IL1RAPL1: variants seen among roughly 807,000 people sequenced by gnomAD.
The protein encoded by IL1RAPL1 is interleukin 1 receptor accessory protein like 1.
In IL1RAPL1, 3 loss-of-function variants were observed where a neutral mutation model predicts 48.4. That is an observed-to-expected ratio of 0.06 (90% CI 0.03 to 0.16). The LOEUF is 0.16. Among genes scored for constraint, IL1RAPL1 ranks in the 10% least tolerant of loss-of-function variants. The pLI, the probability that IL1RAPL1 is intolerant of heterozygous loss-of-function variation, is 1.00. For missense variants in IL1RAPL1, 349 were observed against 530.6 expected (o/e 0.66, Z 3.36); for synonymous variants, 185 against 187.7 (o/e 0.99, Z 0.12).
chrX:29,480,291 CATATATATATAT>C (rs61703733), intron 5 of IL1RAPL1, among the ~76,000 whole-genome samples: 12 of 76,572 alleles, frequency 1.6e-4, no homozygotes, highest in South Asian at 1.5e-3. Context: ...CACACATATA[CATATATATATAT>C]ATATATATAT....
intron 5 of IL1RAPL1, among the ~76,000 whole-genome samples, chrX:29,590,222 C>T (rs1038207947): frequency 3.6e-5 from 4 of 111,222 alleles, no homozygotes; most frequent in African/African-American, 9.8e-5. Flanking sequence ...CACCTCCCAC[C>T]AGGCCCACTT....
intron 2 of IL1RAPL1, among the ~76,000 whole-genome samples, chrX:29,001,329 G>GA (rs1423852491): frequency 1.8e-5 from 2 of 111,889 alleles, no homozygotes; most frequent in East Asian, 5.6e-4. Context: ...GTGTCTTTGG[G>GA]AGATTACTTG....
intron 5 of IL1RAPL1, among the ~76,000 whole-genome samples, chrX:29,651,933 A>G (rs771538974): frequency 9.0e-6 from 1 of 111,647 alleles, no homozygotes; most frequent in Non-Finnish European, 1.9e-5. Context: ...AAGAATGAGA[A>G]AAGATACTTT....
In IL1RAPL1 at chrX:29,066,921, T is replaced by G. The variant is rs183640726; in HGVS notation, c.83-216017T>G. 6.3e-5 allele frequency among the ~76,000 whole-genome samples: 7 copies of G among 111,537 alleles called. No homozygotes were observed. In the East Asian group the frequency reaches 2.0e-3, roughly 32 times the overall value. ...GGGAGAGTGTTAAGTCCCACTTTTT[T>G]GGCCACACCTGTCCAGATTGGAGCT... On this transcript the variant is annotated intron_variant, in intron 2 of 10. Coordinates refer to ENST00000378993, the MANE Select transcript of IL1RAPL1 (RefSeq NM_014271.4).
intron 1 of IL1RAPL1, among the ~76,000 whole-genome samples, chrX:28,735,908 C>T (rs903283403): frequency 9.0e-6 from 1 of 111,486 alleles, no homozygotes; most frequent in African/African-American, 3.3e-5. Context: ...AGTATTTTCC[C>T]TTTCATATTT....
intron 5 of IL1RAPL1, among the ~76,000 whole-genome samples, chrX:29,639,167 C>G (rs58753936): frequency 0.19 from 16,625 of 87,520 alleles, 1,605 homozygotes; most frequent in African/African-American, 0.37. Context: ...GCATGGGCGA[C>G]AAAGCGAGAC....
At chrX:28,856,682 A>G (rs1921814394) in intron 2 of IL1RAPL1, among the ~76,000 whole-genome samples, 1 of 111,019 alleles carries the variant, frequency 9.0e-6, no homozygotes, top group Non-Finnish European at 1.9e-5. Context: ...GGCACCACAA[A>G]CCATGCCCAC....
chrX:29,203,936 G>C (rs1167826599), intron 2 of IL1RAPL1, among the ~76,000 whole-genome samples: 2 of 108,883 alleles, frequency 1.8e-5, no homozygotes, highest in African/African-American at 6.7e-5. Flanking sequence ...TCCCACATAT[G>C]AGTAAGAACA....
intron 1 of IL1RAPL1, among the ~76,000 whole-genome samples, chrX:28,726,429 G>C (rs1398974718): frequency 8.9e-6 from 1 of 112,466 alleles, no homozygotes; most frequent in East Asian, 2.8e-4. Flanking sequence ...TAATGTCTAA[G>C]ATTCAAGCAT....
At chrX:28,877,910 CAAAT>C (rs1297289714) in intron 2 of IL1RAPL1, among the ~76,000 whole-genome samples, 1 of 112,048 alleles carries the variant, frequency 8.9e-6, no homozygotes, top group Non-Finnish European at 1.9e-5. Flanking sequence ...GAAAGACTGT[CAAAT>C]AAATATTATG....
chrX:29,203,036 A>G (rs778565183), intron 2 of IL1RAPL1, among the ~76,000 whole-genome samples: 62 of 111,967 alleles, frequency 5.5e-4, no homozygotes, highest in Admixed American at 1.8e-3. Context: ...AATTGTCAAG[A>G]CAGACTACTA....
chrX:28,776,001 A>C (rs922841271), intron 1 of IL1RAPL1, among the ~76,000 whole-genome samples: 2 of 111,867 alleles, frequency 1.8e-5, no homozygotes, highest in African/African-American at 6.5e-5. Flanking sequence ...TTGTTCACTC[A>C]TGTTTTCCCT....
intron 9 of IL1RAPL1, among the ~76,000 whole-genome samples, chrX:29,947,993 T>G (rs1335317465): frequency 9.0e-6 from 1 of 111,035 alleles, no homozygotes; most frequent in Non-Finnish European, 1.9e-5. Context: ...TTAAGACTTC[T>G]GAATCTATGT....
At chrX:29,128,753 TAATG>T (rs1441525958) in intron 2 of IL1RAPL1, among the ~76,000 whole-genome samples, 1 of 111,760 alleles carries the variant, frequency 8.9e-6, no homozygotes, top group Non-Finnish European at 1.9e-5. Context: ...TACAGTTCCT[TAATG>T]AATGGATGGA....
At chrX:29,737,622 A>G (rs1290198441) in intron 6 of IL1RAPL1, among the ~76,000 whole-genome samples, 1 of 112,563 alleles carries the variant, frequency 8.9e-6, no homozygotes, top group East Asian at 2.8e-4. Context: ...AATGCTTAGT[A>G]AAAGAACTGC....
At chrX:29,821,497 A>C (rs1165853959) in intron 6 of IL1RAPL1, among the ~76,000 whole-genome samples, 1 of 111,367 alleles carries the variant, frequency 9.0e-6, no homozygotes, top group East Asian at 2.8e-4. Context: ...AACAACAAAA[A>C]GGAAACAGAT....
intron 2 of IL1RAPL1, among the ~76,000 whole-genome samples, chrX:29,192,391 A>C (rs1930368836): frequency 8.9e-6 from 1 of 112,289 alleles, no homozygotes; most frequent in African/African-American, 3.2e-5. Flanking sequence ...GGTGGCCCCA[A>C]AATTTCTTTG....
chrX:29,073,493 T>C (rs1927608972), intron 2 of IL1RAPL1, among the ~76,000 whole-genome samples: 1 of 112,059 alleles, frequency 8.9e-6, no homozygotes, highest in African/African-American at 3.2e-5. Context: ...TTATTCTTTT[T>C]CAATCATATG....
intron 2 of IL1RAPL1, among the ~76,000 whole-genome samples, chrX:29,167,698 A>G (rs1007002120): frequency 2.7e-5 from 3 of 110,862 alleles, no homozygotes; most frequent in Admixed American, 2.0e-4. Context: ...TTCCTGATCT[A>G]TGGTATATAT....
Sources: allele counts gnomAD v4.1 joint callset (sites outside exome capture counted in the v4.1 genomes callset), GRCh38; gene constraint gnomAD v4.1.1; transcripts MANE v1.5; gene names NCBI Gene and HGNC (gene_info 2026-07-23, HGNC 2026-07-21).